The following OLFM1 variants were observed in gnomAD, a reference collection of about 807,000 sequenced individuals.
OLFM1 encodes the protein olfactomedin 1.
A neutral mutation model predicts 49.7 loss-of-function variants in OLFM1; 9 were observed. The observed-to-expected ratio is 0.18, with a 90% CI of 0.11 to 0.32. OLFM1 has a LOEUF of 0.32. Ranked by LOEUF, OLFM1 falls within the 10% of genes least tolerant of loss-of-function variation. The pLI is 1.00. For missense variants in OLFM1, 369 were observed against 661.8 expected (o/e 0.56, Z 4.85); for synonymous variants, 240 against 271.8 (o/e 0.88, Z 1.15).
intron 1 of OLFM1, chr9:135,076,025 A>G (rs1830460532): frequency 4.1e-6 from 6 of 1,447,948 alleles, no homozygotes; most frequent in Admixed American, 2.8e-5. Context: ...GCCCCGGCTC[A>G]GCAGAGCTGA....
intron 1 of OLFM1, chr9:135,075,831 C>T: frequency 6.3e-7 from 1 of 1,577,514 alleles, no homozygotes; most frequent in Non-Finnish European, 8.6e-7. Flanking sequence ...ATTTTCCTCC[C>T]TGCCAGGCGC....
At position 135,080,246 on chromosome 9, in the gene OLFM1, C is replaced by T. The variant is rs529446727; in HGVS notation, c.96+4444C>T. 1.0e-3 allele frequency among the ~76,000 whole-genome samples: 156 copies of T among 152,202 alleles called. No homozygotes were observed. The highest frequency in any genetic ancestry group is 3.6e-3 in the African/African-American group (151 of 41,536). ...GGTCTGGATGAGCTGTCTTGTCCCCCTGCCAGGCCCTCTTCCCCTCCAGCT... is the reference window on the plus strand; with the variant it reads ...GGTCTGGATGAGCTGTCTTGTCCCCTTGCCAGGCCCTCTTCCCCTCCAGCT... On this transcript the variant is annotated intron_variant, in intron 1 of 5. Coordinates refer to the OLFM1 transcript ENST00000252854. The surrounding 1 kb of genome is among the most constrained non-coding windows in gnomAD (Gnocchi z 4.5).
At chr9:135,108,922 C>G (rs1311310968) in intron 5 of OLFM1, among the ~76,000 whole-genome samples, 2 of 152,118 alleles carry the variant, frequency 1.3e-5, no homozygotes, top group Middle Eastern at 3.2e-3. Context: ...GTCCCTTATA[C>G]CACCCTCCCC....
At chr9:135,091,468 G>C (rs866889214) in intron 2 of OLFM1, among the ~76,000 whole-genome samples, 29 of 143,120 alleles carry the variant, frequency 2.0e-4, no homozygotes, top group Admixed American at 6.2e-4. Context: ...CTCACACACA[G>C]TCACACACAT....
intron 5 of OLFM1, among the ~76,000 whole-genome samples, chr9:135,116,465 G>A (rs1831097608): frequency 6.6e-6 from 1 of 152,112 alleles, no homozygotes; most frequent in South Asian, 2.1e-4. Context: ...GCAAGTTGAT[G>A]CTGGTGTATC....
intron 5 of OLFM1, among the ~76,000 whole-genome samples, chr9:135,114,062 A>T (rs899162641): frequency 1.7e-4 from 26 of 150,368 alleles, no homozygotes; most frequent in African/African-American, 6.4e-4. Context: ...TGTCTCTTAT[A>T]AGGACACTTG....
At chr9:135,104,736 C>T (rs2119126915) in intron 4 of OLFM1, among the ~76,000 whole-genome samples, 1 of 152,296 alleles carries the variant, frequency 6.6e-6, no homozygotes, top group African/African-American at 2.4e-5. Flanking sequence ...GCAGAGGGAG[C>T]TGCTGTCTCC....
intron 4 of OLFM1, among the ~76,000 whole-genome samples, chr9:135,103,907 C>T (rs1830903457): frequency 6.6e-6 from 1 of 152,150 alleles, no homozygotes; most frequent in Non-Finnish European, 1.5e-5. Flanking sequence ...TACACAGCAG[C>T]CCCCAGGGAA....
intron 3 of OLFM1, among the ~76,000 whole-genome samples, chr9:135,096,932 C>T (rs980512647): frequency 3.9e-5 from 6 of 152,178 alleles, no homozygotes; most frequent in Non-Finnish European, 8.8e-5. Flanking sequence ...TACAGATGTG[C>T]AGCCAGGTAG....
At chr9:135,092,885 T>C (rs1328094108) in intron 2 of OLFM1, among the ~76,000 whole-genome samples, 1 of 152,266 alleles carries the variant, frequency 6.6e-6, no homozygotes, top group Non-Finnish European at 1.5e-5. Flanking sequence ...GAGGCAGCGC[T>C]GCTCCGTCCT....
At chr9:135,096,047 CCCT>C in intron 3 of OLFM1, 28 bp downstream of exon 3, 1 of 1,591,690 alleles carries the variant, frequency 6.3e-7, no homozygotes, top group South Asian at 1.1e-5. Flanking sequence ...CCTCTCCCTC[CCCT>C]TATCCTCCTC....
rs960920535 is a variant in OLFM1 at position 135,094,165 on chromosome 9, T to C, written c.301-1699T>C. ...TTTGTATTGTTGCTTCCTCCGGCCATGTGGCTGCAGGAGCTACTCCCGTGC... is the reference window on the plus strand; with the variant it reads ...TTTGTATTGTTGCTTCCTCCGGCCACGTGGCTGCAGGAGCTACTCCCGTGC... On this transcript the variant is annotated intron_variant, in intron 2 of 5. Transcript: ENST00000371793. Among the ~76,000 whole-genome samples, 8 of 152,144 alleles carry C rather than the reference T, an allele frequency of 5.3e-5. No homozygotes were observed. In the South Asian group the frequency reaches 1.7e-3, roughly 32 times the overall value.
intron 3 of OLFM1, among the ~76,000 whole-genome samples, chr9:135,096,563 C>T (rs534867917): frequency 1.3e-5 from 2 of 152,358 alleles, no homozygotes; most frequent in South Asian, 2.1e-4. Flanking sequence ...AGCATACACT[C>T]GCCCCCAAGC....
rs201044878 is a variant in OLFM1, at chr9:135,119,923, C to T, written c.1203C>T (p.Ser401=). ...GGAACACGAGCTACCCCAAGCGCAG[C>T]GCCGGGGAGGCCTTCATCATCTGCG... ...QTWNTSYPKR[S]AGEAFIICGT... is the part of the protein sequence containing the mutation. Residue 401 remains serine (S), a synonymous_variant, in exon 6 of 6, where the codon AGC becomes AGT. Transcript: ENST00000371793. 2.2e-5 allele frequency: 35 copies of T among 1,613,534 alleles called. 1 individual carries two copies. The South Asian group carries it at 2.2e-4, about 10-fold the overall frequency.
At chr9:135,114,123 CTTTTTTTTTTTT>C (rs138372395) in intron 5 of OLFM1, among the ~76,000 whole-genome samples, 3 of 75,812 alleles carry the variant, frequency 4.0e-5, no homozygotes, top group Admixed American at 1.7e-4. Flanking sequence ...TCTTGAGATT[CTTTTTTTTTTTT>C]TTTTTTTTTT....
At chr9:135,095,829 C>G (rs187278774) in intron 2 of OLFM1, 35 bp from the exon 3 acceptor site, 2 of 1,607,326 alleles carry the variant, frequency 1.2e-6, no homozygotes, top group Admixed American at 1.7e-5. Context: ...GCACCTACTG[C>G]GGCTGTTTTG....
intron 4 of OLFM1, among the ~76,000 whole-genome samples, chr9:135,100,055 G>A (rs1296454289): frequency 9.2e-5 from 14 of 152,158 alleles, no homozygotes; most frequent in African/African-American, 3.1e-4. Flanking sequence ...CACTTATGGG[G>A]TCTCCCTCGG....
chr9:135,076,495 G>T, intron 1 of OLFM1: 1 of 1,343,698 alleles, frequency 7.4e-7, no homozygotes, highest in Non-Finnish European at 9.8e-7. Context: ...GTCTCTGCTT[G>T]GTATTCTCCA....
chr9:135,116,191 C>T (rs936821847), intron 5 of OLFM1, among the ~76,000 whole-genome samples: 4 of 152,142 alleles, frequency 2.6e-5, no homozygotes, highest in Non-Finnish European at 5.9e-5. Context: ...CTGTGAAGCA[C>T]GGGGCTCCTT....
Sources: gnomAD v4.1 joint callset for allele counts (sites outside exome capture counted in the v4.1 genomes callset) on GRCh38, gnomAD v4.1.1 for gene constraint, Gnocchi (gnomAD v3.1) non-coding constraint, MANE v1.5 for transcripts, NCBI Gene and HGNC (gene_info 2026-07-23, HGNC 2026-07-21) for gene names.